The following LY86 variants were observed in gnomAD, a reference collection of about 807,000 sequenced individuals.
LY86 encodes the protein MD-1, RP105-associated.
In LY86, 20 loss-of-function variants were observed where a neutral mutation model predicts 17.3. That is an observed-to-expected ratio of 1.15 (90% CI 0.81 to 1.68). The LOEUF is 1.68. Ranked by LOEUF, LY86 falls within the 40% of genes most tolerant of loss-of-function variation. LY86 has a pLI of 0.00. For missense variants in LY86, 200 were observed against 191.9 expected, an observed-to-expected ratio of 1.04 and a Z score of -0.25; for synonymous variants, 74 against 70.6, an observed-to-expected ratio of 1.05 and a Z score of -0.24.
At chr6:6,619,383 T>C (rs1189016549) in intron 1 of LY86, among the ~76,000 whole-genome samples, 4 of 152,222 alleles carry the variant, frequency 2.6e-5, no homozygotes, top group Admixed American at 6.5e-5. Flanking sequence ...TGCCAAGTGG[T>C]TCTGTTTCTC....
At chr6:6,606,420 C>G (rs1372037654) in intron 1 of LY86, among the ~76,000 whole-genome samples, 1 of 152,234 alleles carries the variant, frequency 6.6e-6, no homozygotes, top group Non-Finnish European at 1.5e-5. Flanking sequence ...CCACTGGATC[C>G]TGCACCTGGG....
chr6:6,624,506 C>T (rs890858334), intron 1 of LY86, among the ~76,000 whole-genome samples: 2 of 152,046 alleles, frequency 1.3e-5, no homozygotes, highest in South Asian at 4.2e-4. Flanking sequence ...AATGTCTACT[C>T]AAGCTCTCCT....
chr6:6,611,703 C>T lies in LY86; in HGVS notation c.137-13223C>T, dbSNP rs574035631. Among the ~76,000 whole-genome samples the T allele has an allele frequency of 5.9e-5, 9 of 152,318 alleles. 1 individual carries two copies. In the South Asian group the frequency reaches 8.3e-4, roughly 14 times the overall value. On this transcript the variant is annotated intron_variant, in intron 1 of 4. Transcript: ENST00000230568. ...GCTGCGCGCCGGTCGTGTTTGTCCC[C>T]CCTTTCTCCTGAAAGTCAGGGGCTA...
At chr6:6,605,387 C>CA (rs1761079021) in intron 1 of LY86, among the ~76,000 whole-genome samples, 1 of 152,238 alleles carries the variant, frequency 6.6e-6, no homozygotes, top group African/African-American at 2.4e-5. Context: ...CAGCTGCTTC[C>CA]AAACTCATGT....
intron 1 of LY86, among the ~76,000 whole-genome samples, chr6:6,605,961 G>A (rs559024696): frequency 1.2e-4 from 19 of 152,008 alleles, no homozygotes; most frequent in South Asian, 4.2e-4. Context: ...TAAAAGAAGC[G>A]TGGACCCAAA....
At chr6:6,606,637 C>G (rs913100186) in intron 1 of LY86, among the ~76,000 whole-genome samples, 4 of 152,190 alleles carry the variant, frequency 2.6e-5, no homozygotes, top group African/African-American at 9.6e-5. Context: ...AGCTAAGGCC[C>G]GGCGAGAAAT....
intron 1 of LY86, among the ~76,000 whole-genome samples, chr6:6,613,533 C>A (rs530404520): frequency 0.014 from 2,190 of 152,278 alleles, 22 homozygotes; most frequent in Non-Finnish European, 0.022. Flanking sequence ...TCAGGCCGGC[C>A]GCTCCGAGTG....
chr6:6,625,049 T>C (rs765247947), intron 2 of LY86, 37 bp downstream of exon 2: 5 of 952,128 alleles, frequency 5.3e-6, no homozygotes, highest in Non-Finnish European at 8.2e-6. Context: ...AATAAAACAT[T>C]GCACAGCCTC....
chr6:6,654,251 A>C (rs9392118), intron 4 of LY86, among the ~76,000 whole-genome samples: 1 of 152,170 alleles, frequency 6.6e-6, no homozygotes, highest in Non-Finnish European at 1.5e-5. Context: ...TCAAAATTGC[A>C]GACCAGCACT....
chr6:6,627,673 A>C (rs907716673), intron 3 of LY86, among the ~76,000 whole-genome samples: 2 of 152,204 alleles, frequency 1.3e-5, no homozygotes, highest in African/African-American at 4.8e-5. Flanking sequence ...AGACACACGC[A>C]GAGCAAAATG....
chr6:6,605,354 A>C lies in LY86; in HGVS notation c.136+16484A>C, dbSNP rs529271990. ...TCTGGGAAAAGGTGATGAAGTAGTC[A>C]ATTCTAGGCTTGGCTGGGGGAGCAG... On this transcript the variant is annotated intron_variant, in intron 1 of 4. Coordinates refer to ENST00000230568, the MANE Select transcript of LY86 (RefSeq NM_004271.4). Among the ~76,000 whole-genome samples, 44 of 152,350 alleles carry C rather than the reference A, an allele frequency of 2.9e-4. 1 individual carries two copies. The South Asian group carries it at 9.1e-3, about 32-fold the overall frequency.
At chr6:6,647,021 A>G (rs578015672) in intron 3 of LY86, among the ~76,000 whole-genome samples, 1 of 152,172 alleles carries the variant, frequency 6.6e-6, no homozygotes, top group Non-Finnish European at 1.5e-5. Context: ...TTGCTACTCA[A>G]CACAACACAG....
At chr6:6,607,489 CAATA>C (rs1407329049) in intron 1 of LY86, among the ~76,000 whole-genome samples, 1 of 150,794 alleles carries the variant, frequency 6.6e-6, no homozygotes, top group East Asian at 1.9e-4. Context: ...ATAAACAAAA[CAATA>C]AAAACAAAAG....
chr6:6,623,079 G>T (rs1761715500), intron 1 of LY86, among the ~76,000 whole-genome samples: 1 of 152,174 alleles, frequency 6.6e-6, no homozygotes, highest in Non-Finnish European at 1.5e-5. Flanking sequence ...TGTTTATTCT[G>T]CAGGTCTGGG....
chr6:6,624,847 C>G (rs891194737), intron 1 of LY86, 79 bp from the exon 2 acceptor site: 3 of 669,722 alleles, frequency 4.5e-6, no homozygotes, highest in Non-Finnish European at 8.0e-6. Context: ...CATGTGAAAA[C>G]AATATTGTTG....
At chr6:6,636,368 A>G (rs779460920) in intron 3 of LY86, among the ~76,000 whole-genome samples, 12 of 152,230 alleles carry the variant, frequency 7.9e-5, no homozygotes, top group Admixed American at 2.0e-4. Context: ...GATAATACAC[A>G]TATAGCCCAT....
intron 3 of LY86, among the ~76,000 whole-genome samples, chr6:6,639,071 A>G (rs1358050715): frequency 2.0e-5 from 3 of 152,098 alleles, no homozygotes; most frequent in African/African-American, 4.8e-5. Context: ...TGTGGCACAT[A>G]TACACCATGG....
In LY86 at chr6:6,651,066, G is replaced by A. The variant is rs570488924; in HGVS notation, c.405+1389G>A. On this transcript the variant is annotated intron_variant, in intron 4 of 4. Coordinates refer to ENST00000230568, the MANE Select transcript of LY86 (RefSeq NM_004271.4). ...TGACAAGATTTTATTCTTTTTTATG[G>A]CCATATAGTATTCCATTGTGTATAT... Among the ~76,000 whole-genome samples the A allele has an allele frequency of 2.3e-4, 35 of 150,652 alleles. 2 individuals carry two copies. The South Asian group carries it at 7.3e-3, about 31-fold the overall frequency.
At chr6:6,596,644 AAG>A (rs1170619181) in intron 1 of LY86, among the ~76,000 whole-genome samples, 2 of 152,162 alleles carry the variant, frequency 1.3e-5, no homozygotes, top group Non-Finnish European at 2.9e-5. Context: ...CCCAAATTTA[AAG>A]AGAGGAAGTT....
Sources: allele counts gnomAD v4.1 joint callset (sites outside exome capture counted in the v4.1 genomes callset), GRCh38; gene constraint gnomAD v4.1.1; transcripts MANE v1.5; gene names NCBI Gene and HGNC (gene_info 2026-07-23, HGNC 2026-07-21).